ANKS1B: variants seen among roughly 807,000 people sequenced by gnomAD.
The protein encoded by ANKS1B is ankyrin repeat and sterile alpha motif domain containing 1B, also known as ankyrin repeat and sterile alpha motif domain-containing protein 1B.
Under a neutral mutation model 148.3 loss-of-function variants are expected in ANKS1B, and 36 were observed. That is an observed-to-expected ratio of 0.24 (90% CI 0.19 to 0.32). The LOEUF (loss-of-function observed/expected upper bound fraction) is 0.32, where lower values mean the gene tolerates loss of function less well. Ranked by LOEUF, ANKS1B falls within the 10% of genes least tolerant of loss-of-function variation. The pLI is 1.00. For missense variants in ANKS1B, 1,157 were observed against 1,542.6 expected (o/e 0.75, Z 4.19); for synonymous variants, 542 against 560.8 (o/e 0.97, Z 0.47).
At chr12:99,907,893 AAACT>A (rs2093850063) in intron 1 of ANKS1B, among the ~76,000 whole-genome samples, 1 of 152,066 alleles carries the variant, frequency 6.6e-6, no homozygotes, top group South Asian at 2.1e-4. Context: ...GTTCACCTTA[AAACT>A]AACCCAAAAG....
rs577412660 is a variant in ANKS1B at position 99,449,164 on chromosome 12, T to G, written c.1439-5355A>C. Among the ~76,000 whole-genome samples, 3 of 152,270 alleles carry G rather than the reference T, an allele frequency of 2.0e-5. No individual in the cohort carries two copies. In the South Asian group the frequency reaches 6.2e-4, roughly 32 times the overall value. ...GTATTTTTTAGTTCCTAAAAACATT[T>G]TCAAGCTTACTTTTATATTAAAATG... On this transcript the variant is annotated intron_variant, in intron 10 of 26. Coordinates refer to ENST00000683438, the MANE Select transcript of ANKS1B (RefSeq NM_001352186.2).
chr12:99,445,072 G>C (rs1204009285), intron 10 of ANKS1B, among the ~76,000 whole-genome samples: 1 of 151,966 alleles, frequency 6.6e-6, no homozygotes, highest in East Asian at 1.9e-4. Flanking sequence ...AAAGTGTCCA[G>C]AGCACACTCT....
At chr12:99,291,132 T>C (rs1404468713) in intron 12 of ANKS1B, among the ~76,000 whole-genome samples, 2 of 152,102 alleles carry the variant, frequency 1.3e-5, no homozygotes, top group Non-Finnish European at 2.9e-5. Flanking sequence ...AAATCCCATT[T>C]CCAATAGTTA....
At chr12:98,928,231 A>C (rs991144527) in intron 17 of ANKS1B, among the ~76,000 whole-genome samples, 5 of 151,718 alleles carry the variant, frequency 3.3e-5, no homozygotes, top group Non-Finnish European at 5.9e-5. Flanking sequence ...TGTTGAAACC[A>C]ACTCAAGAAA....
chr12:99,819,668 A>G (rs2082277527), intron 2 of ANKS1B, among the ~76,000 whole-genome samples: 2 of 151,994 alleles, frequency 1.3e-5, no homozygotes, highest in Non-Finnish European at 2.9e-5. Context: ...ATATAGTTTA[A>G]TAACATTAAA....
At chr12:99,035,022 A>G (rs1218332996) in intron 17 of ANKS1B, among the ~76,000 whole-genome samples, 2 of 152,172 alleles carry the variant, frequency 1.3e-5, no homozygotes, top group Admixed American at 6.5e-5. Flanking sequence ...ATGATGTGGA[A>G]GGTGTTGGGG....
intron 11 of ANKS1B, among the ~76,000 whole-genome samples, chr12:99,403,243 G>A (rs1187785073): frequency 8.2e-6 from 1 of 121,552 alleles, no homozygotes; most frequent in Non-Finnish European, 1.6e-5. Context: ...TGCAACCTCT[G>A]CCTCCTGGGT....
chr12:99,666,726 A>G (rs1199646681), intron 8 of ANKS1B, among the ~76,000 whole-genome samples: 1 of 152,070 alleles, frequency 6.6e-6, no homozygotes, highest in African/African-American at 2.4e-5. Context: ...CTCTAGCACT[A>G]TTGGGGCATA....
intron 19 of ANKS1B, among the ~76,000 whole-genome samples, chr12:98,817,727 C>A (rs145446658): frequency 6.6e-6 from 1 of 152,288 alleles, no homozygotes; most frequent in Non-Finnish European, 1.5e-5. Flanking sequence ...ACCCACTGAC[C>A]CTTTTTATAA....
At chr12:99,746,826 T>G (rs2060640126) in intron 8 of ANKS1B, among the ~76,000 whole-genome samples, 2 of 152,112 alleles carry the variant, frequency 1.3e-5, no homozygotes, top group South Asian at 4.1e-4. Context: ...AACTTCAAGT[T>G]GTATAACATG....
In ANKS1B at chr12:99,114,300, T is replaced by A. The variant is rs143974630; in HGVS notation, c.2527-29277A>T. Among the ~76,000 whole-genome samples the A allele has an allele frequency of 1.4e-4, 22 of 152,334 alleles. 1 individual carries two copies. Among genetic ancestry groups the A allele is most frequent in the African/African-American group, 4.1e-4 (17 of 41,574 alleles). Reference sequence around the variant, plus strand: ...AACTGTGACTTCAAAATGCTAACGATTGACATTTGTTCAGCTCGTTAGCCC... The same window carrying A: ...AACTGTGACTTCAAAATGCTAACGAATGACATTTGTTCAGCTCGTTAGCCC... On this transcript the variant is annotated intron_variant, in intron 15 of 26. Transcript: ENST00000683438.
Position 99,569,878 on chromosome 12 carries a change from A to C in ANKS1B, c.1273-65237T>G, listed in dbSNP as rs552072098. ...TATGACTTCCCTTCTAGAGGTGTTG[A>C]TCTCAATGCCCTCCCTAATAAGCCC... is the stretch of plus-strand genomic sequence containing the variant. On this transcript the variant is annotated intron_variant, in intron 9 of 26. Coordinates refer to ENST00000683438, the MANE Select transcript of ANKS1B (RefSeq NM_001352186.2). 1.3e-5 allele frequency among the ~76,000 whole-genome samples: 2 copies of C among 152,190 alleles called. 1 individual carries two copies. Among genetic ancestry groups the C allele is most frequent in the South Asian group, 4.2e-4 (2 of 4,812 alleles).
At chr12:99,288,184 T>A (rs1177914733) in intron 12 of ANKS1B, among the ~76,000 whole-genome samples, 1 of 151,902 alleles carries the variant, frequency 6.6e-6, no homozygotes, top group Non-Finnish European at 1.5e-5. Flanking sequence ...AAGAAACACA[T>A]AGCATACAAA....
intron 12 of ANKS1B, among the ~76,000 whole-genome samples, chr12:99,289,980 T>C (rs570879781): frequency 9.2e-5 from 14 of 151,518 alleles, no homozygotes; most frequent in African/African-American, 3.4e-4. Context: ...GTCAATGAAA[T>C]GAAAAGTTGG....
chr12:99,438,382 C>G (rs1165537437), intron 11 of ANKS1B, among the ~76,000 whole-genome samples: 1 of 151,852 alleles, frequency 6.6e-6, no homozygotes, highest in Non-Finnish European at 1.5e-5. Flanking sequence ...CTTAAGCCCT[C>G]AACTCTCTCC....
At chr12:99,514,788 T>A (rs972453999) in intron 9 of ANKS1B, among the ~76,000 whole-genome samples, 1 of 152,026 alleles carries the variant, frequency 6.6e-6, no homozygotes, top group Admixed American at 6.6e-5. Context: ...AGCCTTTGTA[T>A]GTCCCCTTCC....
chr12:99,598,542 T>C (rs970237786), intron 9 of ANKS1B, among the ~76,000 whole-genome samples: 2 of 152,052 alleles, frequency 1.3e-5, no homozygotes. Flanking sequence ...CCCATATTCA[T>C]AACCACTGAG....
At chr12:99,446,552 T>C (rs2095641035) in intron 10 of ANKS1B, among the ~76,000 whole-genome samples, 1 of 152,070 alleles carries the variant, frequency 6.6e-6, no homozygotes, top group African/African-American at 2.4e-5. Context: ...TCTCAGTTAC[T>C]GGCAGAAAAG....
intron 14 of ANKS1B, among the ~76,000 whole-genome samples, chr12:99,173,374 A>G (rs1199905336): frequency 6.6e-6 from 1 of 152,134 alleles, no homozygotes; most frequent in Admixed American, 6.6e-5. Context: ...TTTCTGCTTC[A>G]TTTTTCCAGC....
Sources: gnomAD v4.1 joint callset for allele counts (sites outside exome capture counted in the v4.1 genomes callset) on GRCh38, gnomAD v4.1.1 for gene constraint, MANE v1.5 for transcripts, NCBI Gene and HGNC (gene_info 2026-07-23, HGNC 2026-07-21) for gene names.